TICRR: variants seen among roughly 807,000 people sequenced by gnomAD.
TICRR encodes treslin.
Under a neutral mutation model 178.1 loss-of-function variants are expected in TICRR, and 132 were observed. That is an observed-to-expected ratio of 0.74 (90% confidence interval 0.64 to 0.86). The LOEUF is 0.86. Ranked by LOEUF, TICRR falls within the 40% of genes least tolerant of loss-of-function variation. The pLI, the probability that TICRR is intolerant of heterozygous loss-of-function variation, is 0.00. For synonymous variants in TICRR, 991 were observed against 900.7 expected (o/e 1.10, Z -1.79); for missense variants, 2,587 against 2,334.3 (o/e 1.11, Z -2.23).
chr15:89,609,883 G>A (rs1320221727), intron 15 of TICRR, among the ~76,000 whole-genome samples: 2 of 151,452 alleles, frequency 1.3e-5, no homozygotes, highest in Admixed American at 1.3e-4. Flanking sequence ...ATTGATTTGA[G>A]ATCTTTTTTA....
In TICRR at chr15:89,627,058, T is replaced by G. The variant is rs766792371; in HGVS notation, c.5705T>G (p.Leu1902Arg). The change falls in exon 22 of 22, where the codon CTC becomes CGC. Residue 1902 changes from leucine to arginine, a missense_variant. Leu to Arg is a moderately radical substitution (Grantham distance 102, BLOSUM62 -2). Coordinates refer to ENST00000268138, the MANE Select transcript of TICRR (RefSeq NM_152259.4). The part of the protein sequence containing the change: ...PISRTYTRKK[L>R]MGTWLEDL ...AGCAGAACTTATACACGGAAGAAGCTCATGGGAACCTGGCTGGAGGACTTA... is the reference window on the plus strand; with the variant it reads ...AGCAGAACTTATACACGGAAGAAGCGCATGGGAACCTGGCTGGAGGACTTA... 5 of 1,614,010 alleles carry G rather than the reference T, an allele frequency of 3.1e-6. No homozygotes were observed. In the African/African-American group the frequency reaches 5.3e-5, roughly 17 times the overall value.
chr15:89,586,394 AATTC>A (rs908089267), intron 4 of TICRR, among the ~76,000 whole-genome samples: 33 of 152,056 alleles, frequency 2.2e-4, no homozygotes, highest in African/African-American at 6.3e-4. Flanking sequence ...ATATTTCTTT[AATTC>A]ATTCATTCAT....
In TICRR at chr15:89,618,201, A is replaced by G. The variant is rs1464885166; in HGVS notation, c.3010A>G (p.Lys1004Glu). Residue 1004 changes from lysine to glutamate, a missense_variant, in exon 17 of 22, where the codon AAA becomes GAA. By Grantham distance (56) the Lys-to-Glu change is moderately conservative. Transcript: ENST00000268138. ...DIGVVEESPE[K>E]GDEISLRRSP... ...TGGTGTTGTTGAAGAGTCCCCTGAA[A>G]AAGGAGATGGTGAGTGTTATCTCTT... 3.7e-6 allele frequency: 6 copies of G among 1,614,136 alleles called. No homozygotes were observed. The highest frequency in any genetic ancestry group is 1.1e-5 in the South Asian group (1 of 91,078).
In TICRR at chr15:89,624,983, C is replaced by G. The variant is rs140397206; in HGVS notation, c.4673C>G (p.Thr1558Ser). 1.2e-6 allele frequency: 2 copies of G among 1,613,972 alleles called. No individual in the cohort carries two copies. The highest frequency in any genetic ancestry group is 1.7e-6 in the Non-Finnish European group (2 of 1,180,040). The change falls in exon 20 of 22, where the codon ACC (threonine) becomes AGC (serine). Residue 1558 changes from threonine (T) to serine (S), a missense_variant. Physicochemically the swap from Thr to Ser is moderately conservative, Grantham distance 58 (BLOSUM62 1). Transcript: ENST00000268138. Reference sequence around the variant, plus strand: ...TCCACAGACTCTGCCAGCCCACAGACCTATGAGGTTGAGCTGGAGATGCAA... The same window carrying G: ...TCCACAGACTCTGCCAGCCCACAGAGCTATGAGGTTGAGCTGGAGATGCAA... ...WHSTDSASPQ[T>S]YEVELEMQAS...
In TICRR at chr15:89,627,155, T is replaced by C; in HGVS notation, c.*69T>C. 6.3e-7 allele frequency: 1 copy of C among 1,589,662 alleles called. No homozygotes were observed. The highest frequency in any genetic ancestry group is 8.6e-7 in the Non-Finnish European group (1 of 1,164,506). On this transcript the variant is annotated 3_prime_UTR_variant, in exon 22 of 22. Transcript: ENST00000268138. ...ACCCTGTGGACATAAAGAAGTTGGA[T>C]GCCTGGTCCCAAGCCTCTTTTGCCA... is the stretch of plus-strand genomic sequence containing the variant.
intron 13 of TICRR, among the ~76,000 whole-genome samples, chr15:89,605,363 C>A (rs1242205502): frequency 6.6e-6 from 1 of 152,078 alleles, no homozygotes; most frequent in East Asian, 1.9e-4. Flanking sequence ...GGATGTATGA[C>A]TTTTATTTTT....
intron 19 of TICRR, among the ~76,000 whole-genome samples, chr15:89,621,982 CTTTTTTTTTTT>C (rs34123859): frequency 1.1e-5 from 1 of 87,778 alleles, no homozygotes; most frequent in Non-Finnish European, 2.1e-5. Flanking sequence ...CAAACTGACT[CTTTTTTTTTTT>C]TTTTTTTTTT....
chr15:89,623,714 CA>C lies in TICRR; in HGVS notation c.3405del (p.Glu1136LysfsTer10). ...SHTPQTPLYT[P>X]ERLQKSPAKM... ...ACACCACAAACTCCGTTGTATACTC[CA>C]GAAAGGCTGCAGAAGTCCCCTGCAA... On this transcript the variant is annotated frameshift_variant, in exon 20 of 22. Transcript: ENST00000268138. LOFTEE classifies it high-confidence loss of function. The C allele has an allele frequency of 6.2e-7, 1 of 1,614,102 alleles. No homozygotes were observed. Among genetic ancestry groups the C allele is most frequent in the Non-Finnish European group, 8.5e-7 (1 of 1,180,020 alleles).
rs764276753 is a variant in TICRR, at chr15:89,624,236, A to G, written c.3926A>G (p.Lys1309Arg). The change falls in exon 20 of 22, where the codon AAG becomes AGG. Residue 1309 changes from lysine to arginine, a missense_variant. Transcript: ENST00000268138. ...ACTTCTTCCCCACCTGTTACGCCAA[A>G]GAAACTGTTTACCTCTCCTTTATGT... Reference protein sequence around the residue: ...TVTSSPPVTPKKLFTSPLCDV... With the variant: ...TVTSSPPVTPRKLFTSPLCDV... 7.4e-6 allele frequency: 12 copies of G among 1,614,098 alleles called. No individual in the cohort carries two copies. The highest frequency in any genetic ancestry group is 1.0e-5 in the Non-Finnish European group (12 of 1,180,046).
At chr15:89,592,272 T>G (rs951365645) in intron 5 of TICRR, 96 bp downstream of exon 5, 5 of 984,322 alleles carry the variant, frequency 5.1e-6, no homozygotes, top group African/African-American at 1.6e-5. Context: ...CTGAGTATAG[T>G]CTAATAATAT....
intron 19 of TICRR, 32 bp from the exon 20 acceptor site, chr15:89,623,591 T>C (rs1361824180): frequency 6.4e-7 from 1 of 1,569,270 alleles, no homozygotes; most frequent in African/African-American, 1.4e-5. Flanking sequence ...GTTATAATAT[T>C]CAAGGACTGA....
rs1261392179 is a variant in TICRR at position 89,621,505 on chromosome 15, G to T, written c.3267G>T (p.Lys1089Asn). The T allele has an allele frequency of 6.2e-7, 1 of 1,613,946 alleles. No individual in the cohort carries two copies. The highest frequency in any genetic ancestry group is 1.3e-5 in the African/African-American group (1 of 75,026). The change falls in exon 19 of 22, where the codon AAG becomes AAT. Residue 1089 changes from lysine (K) to asparagine (N), a missense_variant. Lys to Asn is a moderately conservative substitution (Grantham distance 94). Transcript: ENST00000268138. ...AAAAGGGTTCAGCTCGAATGAAAAA[G>T]CGTTCAAGAAACACTTTGGATTCGG... is the stretch of plus-strand genomic sequence containing the variant. ...PSEKGSARMK[K>N]RSRNTLDSEV...
chr15:89,591,214 C>T (rs914600055), intron 4 of TICRR, among the ~76,000 whole-genome samples: 3 of 152,202 alleles, frequency 2.0e-5, no homozygotes, highest in Non-Finnish European at 4.4e-5. Flanking sequence ...CAACCTCAGC[C>T]TCCCGGGTTC....
intron 1 of TICRR, among the ~76,000 whole-genome samples, chr15:89,580,946 G>A (rs1294682960): frequency 9.2e-5 from 14 of 152,156 alleles, no homozygotes; most frequent in Non-Finnish European, 1.5e-5. Context: ...TGGGGCGAGA[G>A]GATTGCTTGA....
At chr15:89,594,908 T>A (rs943713459) in intron 6 of TICRR, among the ~76,000 whole-genome samples, 3 of 152,342 alleles carry the variant, frequency 2.0e-5, no homozygotes, top group Non-Finnish European at 4.4e-5. Context: ...ACATTTAGAT[T>A]GCTTTCAGTT....
Position 89,595,427 on chromosome 15 carries a change from G to T in TICRR, c.1716G>T (p.Met572Ile). 1 of 1,614,100 alleles carries T rather than the reference G, an allele frequency of 6.2e-7. No homozygotes were observed. The highest frequency in any genetic ancestry group is 2.2e-5 in the East Asian group (1 of 44,864). ...CTCGTACTCCAGTGAGACAGAAGATGAATACCATGTGCCGTTCCTTAAAGA... is the reference window on the plus strand; with the variant it reads ...CTCGTACTCCAGTGAGACAGAAGATTAATACCATGTGCCGTTCCTTAAAGA... ...GVPRTPVRQKMNTMCRSLKML... is the reference protein window; with the variant it reads ...GVPRTPVRQKINTMCRSLKML... Residue 572 changes from methionine (M) to isoleucine (I), a missense_variant, in exon 7 of 22, where the codon ATG becomes ATT. Met to Ile is a conservative substitution (Grantham distance 10). Coordinates refer to ENST00000268138, the MANE Select transcript of TICRR (RefSeq NM_152259.4).
chr15:89,591,861 G>A, intron 4 of TICRR, 186 bp from the exon 5 acceptor site: 1 of 440,752 alleles, frequency 2.3e-6, no homozygotes, highest in Admixed American at 3.7e-5. Flanking sequence ...ATGTTTTTCA[G>A]TAGCATTTTT....
chr15:89,576,836 T>C (rs1180711763), intron 1 of TICRR, among the ~76,000 whole-genome samples: 1 of 132,916 alleles, frequency 7.5e-6, no homozygotes, highest in Non-Finnish European at 1.6e-5. Context: ...TATATATATA[T>C]ATATATATAT....
chr15:89,590,318 T>C (rs572693412), intron 4 of TICRR, among the ~76,000 whole-genome samples: 1 of 152,320 alleles, frequency 6.6e-6, no homozygotes, highest in Non-Finnish European at 1.5e-5. Context: ...ACATTAGGAA[T>C]GATCACATAA....
Sources: gnomAD v4.1 joint callset for allele counts (sites outside exome capture counted in the v4.1 genomes callset) on GRCh38, gnomAD v4.1.1 for gene constraint, MANE v1.5 for transcripts, NCBI Gene and HGNC (gene_info 2026-07-23, HGNC 2026-07-21) for gene names.